ARHGEF16: variants seen among roughly 807,000 people sequenced by gnomAD.
ARHGEF16 encodes Rho guanine exchange factor (GEF) 16.
ARHGEF16 carries 59 observed loss-of-function variants against 74.1 expected under a neutral mutation model. That is an observed-to-expected ratio of 0.80 (90% CI 0.65 to 0.99). ARHGEF16 has a LOEUF of 0.99. Ranked by LOEUF, ARHGEF16 falls within the 50% of genes least tolerant of loss-of-function variation. The pLI is 0.00. For synonymous variants in ARHGEF16, 415 were observed against 412.6 expected, an observed-to-expected ratio of 1.01 and a Z score of -0.07; for missense variants, 948 against 986.6, an observed-to-expected ratio of 0.96 and a Z score of 0.52.
chr1:3,472,445 C>CT (rs1174046869), intron 6 of ARHGEF16, among the ~76,000 whole-genome samples: 1 of 152,256 alleles, frequency 6.6e-6, no homozygotes, highest in Non-Finnish European at 1.5e-5. Context: ...AGCTGGCCCC[C>CT]CCCCGGCCTT....
Position 3,463,473 on chromosome 1 carries a change from T to G in ARHGEF16, c.389T>G (p.Phe130Cys), listed in dbSNP as rs1219053224. 1 of 1,529,542 alleles carries G rather than the reference T, an allele frequency of 6.5e-7. No homozygotes were observed. The highest frequency in any genetic ancestry group is 1.4e-5 in the African/African-American group (1 of 72,188). 94.7% of individuals were successfully genotyped at this position (1,529,542 alleles called of 1,614,324 possible). Residue 130 changes from phenylalanine (F) to cysteine (C), a missense_variant, in exon 2 of 15, where the codon TTC becomes TGC. Coordinates refer to ENST00000378378, the MANE Select transcript of ARHGEF16 (RefSeq NM_014448.4). ...RDPKLLPAPS[F>C]SLDDMDVDKD... ...CCTAAGCTCCTCCCAGCCCCCAGCT[T>G]CTCCCTGGATGACATGGACGTGGAC...
Position 3,479,561 on chromosome 1 carries a change from G to C in ARHGEF16, c.1859G>C (p.Arg620Thr), listed in dbSNP as rs751409746. 6.2e-7 allele frequency: 1 copy of C among 1,612,598 alleles called. No homozygotes were observed. The highest frequency in any genetic ancestry group is 1.1e-5 in the South Asian group (1 of 91,046). ...ATCGTGGCGCTCACACACAGTGAGA[G>C]ACAGTGGCAGGGCCTCTCCAGCAAA... ...RWIVALTHSE[R>T]QWQGLSSKGD... is the part of the protein sequence containing the mutation. Residue 620 changes from arginine to threonine, a missense_variant, in exon 13 of 15, where the codon AGA (arginine) becomes ACA (threonine). Transcript: ENST00000378378.
intron 4 of ARHGEF16, 82 bp from the exon 5 acceptor site, chr1:3,468,798 A>T: frequency 1.3e-6 from 2 of 1,500,080 alleles, no homozygotes; most frequent in Non-Finnish European, 1.8e-6. Flanking sequence ...GCCCTGGTCC[A>T]TCAGGAGGAG....
At chr1:3,456,108 A>C (rs533454408) in intron 1 of ARHGEF16, among the ~76,000 whole-genome samples, 112 of 152,240 alleles carry the variant, frequency 7.4e-4, no homozygotes, top group African/African-American at 2.6e-3. Context: ...CCCTCCCTCC[A>C]CCTGGACACT....
chr1:3,475,928 C>T, intron 9 of ARHGEF16, 42 bp from the exon 10 acceptor site: 1 of 1,527,902 alleles, frequency 6.5e-7, no homozygotes, highest in South Asian at 1.2e-5. Context: ...TGTGCCAGGG[C>T]CCTGTAGCAC....
rs1010454275 is a variant in ARHGEF16, at chr1:3,468,915, T to C, written c.840T>C (p.Thr280=). 17 of 1,550,050 alleles carry C rather than the reference T, an allele frequency of 1.1e-5. No individual in the cohort carries two copies. The South Asian group carries it at 1.8e-4, about 16-fold the overall frequency. The change falls in exon 5 of 15, where the codon ACT becomes ACC. Residue 280 remains threonine (T), a synonymous_variant. Transcript: ENST00000378378. The stretch of plus-strand genomic sequence containing the variant: ...TGGGCATCCTGGACCAGCTCTCCAC[T>C]GAGGAGCGGAAAAGGCAGGAGGTAA... ...VELGILDQLS[T]EERKRQEAMF... is the part of the protein sequence containing the mutation.
rs1569888543 is a variant in ARHGEF16, at chr1:3,480,540, G to A, written c.2083G>A (p.Gly695Ser). Residue 695 changes from glycine to serine, a missense_variant, in exon 15 of 15, where the codon GGC becomes AGC. By Grantham distance (56) the Gly-to-Ser change is moderately conservative. Coordinates refer to ENST00000378378, the MANE Select transcript of ARHGEF16 (RefSeq NM_014448.4). ...RFITSRVAVE[G>S]NVRRMERLRV... The stretch of plus-strand genomic sequence containing the variant: ...CATCACCAGCCGTGTGGCCGTGGAG[G>A]GCAATGTCCGCAGGATGGAGCGTCT... 3 of 1,611,506 alleles carry A rather than the reference G, an allele frequency of 1.9e-6. No individual in the cohort carries two copies. In the Admixed American group the frequency reaches 5.0e-5, roughly 27 times the overall value.
chr1:3,476,090 T>TC, intron 10 of ARHGEF16, 28 bp downstream of exon 10: 1 of 1,544,296 alleles, frequency 6.5e-7, no homozygotes, highest in Non-Finnish European at 8.8e-7. Context: ...TCAGGGCCAC[T>TC]CGGACCACTT....
At chr1:3,461,517 C>T (rs1386289268) in intron 1 of ARHGEF16, among the ~76,000 whole-genome samples, 1 of 152,220 alleles carries the variant, frequency 6.6e-6, no homozygotes, top group African/African-American at 2.4e-5. Context: ...CCCTGAGCAG[C>T]AGAGGGGAAA....
intron 12 of ARHGEF16, among the ~76,000 whole-genome samples, chr1:3,479,046 G>A (rs1026243485): frequency 7.9e-5 from 12 of 152,328 alleles, no homozygotes; most frequent in Admixed American, 7.2e-4. Context: ...GCCGGTAGGG[G>A]CCAGTTCAGA....
chr1:3,480,427 C>G, intron 14 of ARHGEF16, 21 bp from the exon 15 acceptor site: 1 of 1,611,590 alleles, frequency 6.2e-7, no homozygotes, highest in East Asian at 2.2e-5. Context: ...TCACCTCCCT[C>G]CCACCCCTAT....
chr1:3,462,153 G>A (rs1639413288), intron 1 of ARHGEF16, among the ~76,000 whole-genome samples: 2 of 152,086 alleles, frequency 1.3e-5, no homozygotes, highest in Admixed American at 6.5e-5. Context: ...TGTCTACAGG[G>A]CAGCTCCCGC....
chr1:3,462,208 C>T (rs375814508), intron 1 of ARHGEF16, among the ~76,000 whole-genome samples: 3 of 152,180 alleles, frequency 2.0e-5, no homozygotes, highest in Non-Finnish European at 4.4e-5. Flanking sequence ...GCCACCCCTG[C>T]CACCACCACA....
rs372568158 is a variant in ARHGEF16, at chr1:3,470,595, G to A, written c.1022+1002G>A. On this transcript the variant is annotated intron_variant, in intron 6 of 14. Coordinates refer to ENST00000378378, the MANE Select transcript of ARHGEF16 (RefSeq NM_014448.4). ...GGTGTGTGTGAGTGGCTGTGTTTTC[G>A]GTCAGGTGTGTGTGAGTGGGTGTGT... Among the ~76,000 whole-genome samples the A allele has an allele frequency of 3.7e-3, 539 of 147,016 alleles. 2 individuals carry two copies. The highest frequency in any genetic ancestry group is 4.5e-3 in the Non-Finnish European group (297 of 66,588).
rs1312539655 is a variant in ARHGEF16 at position 3,467,248 on chromosome 1, TCC to T, written c.716_717del (p.Ser239Ter). On this transcript the variant is annotated frameshift_variant, in exon 4 of 15. Coordinates refer to ENST00000378378, the MANE Select transcript of ARHGEF16 (RefSeq NM_014448.4). LOFTEE classifies it high-confidence loss of function. ...TGATGACGACATCCTCGATGAGTCC[TCC>T]AGCCCCGAGGGAACCCAGAAGGTGG... ...ESDDDILDES[S>X]SPEGTQKVDA... 1.3e-6 allele frequency: 2 copies of T among 1,550,452 alleles called. No homozygotes were observed. The highest frequency in any genetic ancestry group is 4.9e-5 in the East Asian group (2 of 40,908).
chr1:3,478,263 A>G (rs1639950060), intron 11 of ARHGEF16, 161 bp from the exon 12 acceptor site: 2 of 953,936 alleles, frequency 2.1e-6, no homozygotes, highest in African/African-American at 3.3e-5. Context: ...GAGGACTCGA[A>G]AGCCATGGCC....
intron 1 of ARHGEF16, among the ~76,000 whole-genome samples, chr1:3,455,454 A>C (rs1639246655): frequency 6.6e-6 from 1 of 151,744 alleles, no homozygotes; most frequent in Non-Finnish European, 1.5e-5. Flanking sequence ...CGTCCCACCT[A>C]CCAGGGAGCC....
chr1:3,479,532 G>A lies in ARHGEF16; in HGVS notation c.1830G>A (p.Arg610=), dbSNP rs149332312. ...LSSDSASDRA[R]WIVALTHSER... The stretch of plus-strand genomic sequence containing the variant: ...TGGTCCCCAGGAGTGACCGGGCACG[G>A]TGGATCGTGGCGCTCACACACAGTG... The change falls in exon 13 of 15, where the codon CGG becomes CGA. Residue 610 remains arginine (R), a synonymous_variant. Coordinates refer to ENST00000378378, the MANE Select transcript of ARHGEF16 (RefSeq NM_014448.4). 2,103 of 1,612,608 alleles carry A rather than the reference G, an allele frequency of 1.3e-3. 22 individuals are homozygous for A. The African/African-American group carries it at 0.026, about 20-fold the overall frequency.
chr1:3,465,594 C>T (rs560835951), intron 2 of ARHGEF16, among the ~76,000 whole-genome samples: 8 of 152,134 alleles, frequency 5.3e-5, no homozygotes, highest in African/African-American at 1.9e-4. Flanking sequence ...CCTTTCCTTC[C>T]GGGAACCAGC....
Sources: gnomAD v4.1 joint callset for allele counts (sites outside exome capture counted in the v4.1 genomes callset) on GRCh38, gnomAD v4.1.1 for gene constraint, MANE v1.5 for transcripts, NCBI Gene and HGNC (gene_info 2026-07-23, HGNC 2026-07-21) for gene names.